RHBDD1: variants seen among roughly 807,000 people sequenced by gnomAD.
RHBDD1 encodes the protein rhomboid-related protein 4.
In RHBDD1, 38 loss-of-function variants were observed where a neutral mutation model predicts 36.3. The ratio of observed to expected loss-of-function variants is 1.05; its 90% CI spans 0.81 to 1.37. The LOEUF (loss-of-function observed/expected upper bound fraction) is 1.37. Ranked by LOEUF, RHBDD1 falls within the 40% of genes most tolerant of loss-of-function variation. The pLI is 0.00. For synonymous variants in RHBDD1, 151 were observed against 136.5 expected (o/e 1.11, Z -0.74); for missense variants, 393 against 377.6 (o/e 1.04, Z -0.34).
chr2:226,965,906 T>G (rs1952590105), intron 8 of RHBDD1, among the ~76,000 whole-genome samples: 2 of 151,706 alleles, frequency 1.3e-5, no homozygotes, highest in African/African-American at 2.4e-5. Flanking sequence ...GCACGAAGTT[T>G]ATAGCAAAGA....
At chr2:226,832,593 T>G (rs1940769154), upstream of RHBDD1, among the ~76,000 whole-genome samples, 1 of 152,252 alleles carries the variant, frequency 6.6e-6, no homozygotes, top group African/African-American at 2.4e-5. Flanking sequence ...GTTTGTATAT[T>G]TCTCTGTTCA....
At chr2:226,920,990 G>T (rs1277600997) in intron 8 of RHBDD1, among the ~76,000 whole-genome samples, 6 of 151,878 alleles carry the variant, frequency 4.0e-5, no homozygotes, top group African/African-American at 1.4e-4. Flanking sequence ...TTGGGTCCAG[G>T]GTTTTTCTTT....
intron 5 of RHBDD1, among the ~76,000 whole-genome samples, chr2:226,882,133 T>C (rs920463097): frequency 2.0e-5 from 3 of 151,820 alleles, no homozygotes; most frequent in African/African-American, 7.3e-5. Context: ...ATACTGAAAA[T>C]AAAGAAATGA....
the RHBDD1 span, among the ~76,000 whole-genome samples, chr2:226,830,095 A>G: frequency 6.6e-6 from 1 of 152,222 alleles, no homozygotes; most frequent in East Asian, 1.9e-4. Context: ...GCTTTTCTAC[A>G]TCTATGGAGA....
At chr2:226,991,486 G>T (rs1052339138) in intron 8 of RHBDD1, among the ~76,000 whole-genome samples, 1 of 152,160 alleles carries the variant, frequency 6.6e-6, no homozygotes, top group African/African-American at 2.4e-5. Flanking sequence ...AGCCCATTTT[G>T]TATATCTCTT....
At chr2:226,887,481 G>T (rs10166223) in intron 5 of RHBDD1, among the ~76,000 whole-genome samples, 4 of 152,176 alleles carry the variant, frequency 2.6e-5, no homozygotes, top group African/African-American at 9.7e-5. Flanking sequence ...TAGTTAAAGG[G>T]TGGTATAAAT....
chr2:226,984,030 A>C (rs1956374766), intron 8 of RHBDD1, among the ~76,000 whole-genome samples: 1 of 152,114 alleles, frequency 6.6e-6, no homozygotes, highest in Non-Finnish European at 1.5e-5. Flanking sequence ...TGTCCCTTGG[A>C]GGGAGGGAGC....
intron 8 of RHBDD1, among the ~76,000 whole-genome samples, chr2:226,952,272 T>TTTTTG (rs796718557): frequency 4.6e-5 from 7 of 150,820 alleles, no homozygotes; most frequent in African/African-American, 1.7e-4. Flanking sequence ...CTTCCTGTTT[T>TTTTTG]TTTTGTTTTG....
At chr2:226,883,214 A>G (rs1316009237) in intron 5 of RHBDD1, among the ~76,000 whole-genome samples, 1 of 152,254 alleles carries the variant, frequency 6.6e-6, no homozygotes, top group East Asian at 1.9e-4. Context: ...CATGTGTTTC[A>G]GAAACAGTGT....
chr2:226,948,576 A>T (rs199513282), intron 8 of RHBDD1, among the ~76,000 whole-genome samples: 14 of 137,618 alleles, frequency 1.0e-4, no homozygotes, highest in African/African-American at 3.8e-4. Context: ...AAAAAAAAAA[A>T]AAAAAAAAAC....
At chr2:226,993,834 C>T (rs1958801499) in intron 8 of RHBDD1, among the ~76,000 whole-genome samples, 1 of 152,226 alleles carries the variant, frequency 6.6e-6, no homozygotes, top group African/African-American at 2.4e-5. Flanking sequence ...TTTCCCACTG[C>T]TTTCTCTAAC....
At chr2:226,802,022 C>T in the RHBDD1 span, among the ~76,000 whole-genome samples, 206 of 151,880 alleles carry the variant, frequency 1.4e-3, 1 homozygote, top group African/African-American at 4.7e-3. Context: ...GTCCCTCCAC[C>T]CCCCACCCCC....
chr2:226,908,624 C>T, intron 6 of RHBDD1, 198 bp from the exon 7 acceptor site: 1 of 552,318 alleles, frequency 1.8e-6, no homozygotes, highest in Non-Finnish European at 3.2e-6. Flanking sequence ...CACACACATT[C>T]TTTTCCCTGT....
At chr2:226,818,706 G>A in the RHBDD1 span, among the ~76,000 whole-genome samples, 14 of 151,876 alleles carry the variant, frequency 9.2e-5, no homozygotes, top group Admixed American at 8.5e-4. Context: ...AGGCGTGGTG[G>A]CGGGCACCTG....
upstream of RHBDD1, among the ~76,000 whole-genome samples, chr2:226,830,708 TTG>T (rs751769908): frequency 2.1e-4 from 32 of 152,208 alleles, 1 homozygote; most frequent in Middle Eastern, 6.8e-3. Context: ...GGGTCTCCCT[TTG>T]TGACTTAGGC....
Position 226,867,234 on chromosome 2 carries a change from G to A in RHBDD1, c.482G>A (p.Gly161Asp). 1 of 1,613,216 alleles carries A rather than the reference G, an allele frequency of 6.2e-7. No individual in the cohort carries two copies. Among genetic ancestry groups the A allele is most frequent in the Non-Finnish European group, 8.5e-7 (1 of 1,179,566 alleles). ...KVLNNHYCPG[G>D]FVNILGFPVP... is the part of the protein sequence containing the mutation. ...CTTAACAACCATTATTGCCCTGGAGGCTTTGTCAACATTTTGGGCTTTCCT... is the reference window on the plus strand; with the variant it reads ...CTTAACAACCATTATTGCCCTGGAGACTTTGTCAACATTTTGGGCTTTCCT... Residue 161 changes from glycine to aspartate, a missense_variant, in exon 5 of 9, where the codon GGC becomes GAC. Physicochemically the swap from Gly to Asp is moderately conservative, Grantham distance 94 (BLOSUM62 -1). Coordinates refer to ENST00000392062, the MANE Select transcript of RHBDD1 (RefSeq NM_001167608.3).
At chr2:226,890,645 C>A (rs1248222774) in intron 5 of RHBDD1, among the ~76,000 whole-genome samples, 1 of 152,130 alleles carries the variant, frequency 6.6e-6, no homozygotes, top group Non-Finnish European at 1.5e-5. Flanking sequence ...TTTAAAGAAA[C>A]CCAGTTCTTT....
chr2:226,964,074 C>G (rs1306533395), intron 8 of RHBDD1, among the ~76,000 whole-genome samples: 1 of 152,152 alleles, frequency 6.6e-6, no homozygotes, highest in African/African-American at 2.4e-5. Context: ...CCCATCAACA[C>G]TGAAAGATAT....
At chr2:226,811,599 A>G in the RHBDD1 span, among the ~76,000 whole-genome samples, 11,487 of 152,294 alleles carry the variant, frequency 0.075, 496 homozygotes, top group East Asian at 0.13. Flanking sequence ...CACCACGCCC[A>G]GCCAATAGTG....
Sources: allele counts gnomAD v4.1 joint callset (sites outside exome capture counted in the v4.1 genomes callset), GRCh38; gene constraint gnomAD v4.1.1; transcripts MANE v1.5; gene names NCBI Gene and HGNC (gene_info 2026-07-23, HGNC 2026-07-21).